The following ZNF804A variants were observed in gnomAD, a reference collection of about 807,000 sequenced individuals.
ZNF804A encodes zinc finger protein 804A.
In ZNF804A, 2 loss-of-function variants were observed where a neutral mutation model predicts 16.5. The ratio of observed to expected loss-of-function variants is 0.12; its 90% CI spans 0.05 to 0.38. The LOEUF (loss-of-function observed/expected upper bound fraction) is 0.38. Ranked by LOEUF, ZNF804A falls within the 10% of genes least tolerant of loss-of-function variation. ZNF804A has a pLI of 0.99. For missense variants in ZNF804A, 1,473 were observed against 1,390.7 expected (o/e 1.06, Z -0.94); for synonymous variants, 534 against 489.6 (o/e 1.09, Z -1.20).
At chr2:184,830,110 CCACACACACA>C (rs151005970) in intron 1 of ZNF804A, among the ~76,000 whole-genome samples, 49 of 141,662 alleles carry the variant, frequency 3.5e-4, no homozygotes, top group East Asian at 8.4e-4. Flanking sequence ...ACACACCCAC[CCACACACACA>C]CACACACACA....
rs567152400 is a variant in ZNF804A at position 184,635,648 on chromosome 2, G to T, written c.111+36578G>T. 4.7e-4 allele frequency among the ~76,000 whole-genome samples: 72 copies of T among 152,170 alleles called. 2 individuals carry two copies. The South Asian group carries it at 0.013, about 27-fold the overall frequency. ...ATATTAGTTTTTGAAATATAACTCA[G>T]TTTAATACTTTATATATCCTGTTCT... On this transcript the variant is annotated intron_variant, in intron 1 of 3. Coordinates refer to ENST00000302277, the MANE Select transcript of ZNF804A (RefSeq NM_194250.2).
rs779929990 is a variant in ZNF804A, at chr2:184,695,465, TAAA to T, written c.111+96420_111+96422del. Among the ~76,000 whole-genome samples the T allele has an allele frequency of 1.2e-3, 61 of 51,818 alleles. No individual in the cohort carries two copies. The East Asian group carries it at 0.033, about 28-fold the overall frequency. 34.0% of individuals were successfully genotyped at this position (51,818 alleles called of 152,430 possible). A position where few individuals can be genotyped will look rare whatever the true frequency, so the allele number is the denominator to read the frequency against. On this transcript the variant is annotated intron_variant, in intron 1 of 3. Coordinates refer to ENST00000302277, the MANE Select transcript of ZNF804A (RefSeq NM_194250.2). Reference sequence around the variant, plus strand: ...GGGCGACAGAGCGAGACTCCGTCATTAAAAAAAAAAAAAAAAAAAAAAAAAAAG... The same window carrying T: ...GGGCGACAGAGCGAGACTCCGTCATTAAAAAAAAAAAAAAAAAAAAAAAAG...
chr2:184,616,274 G>C (rs1179976616), intron 1 of ZNF804A, among the ~76,000 whole-genome samples: 1 of 152,054 alleles, frequency 6.6e-6, no homozygotes, highest in Non-Finnish European at 1.5e-5. Context: ...ACCTGAGTCA[G>C]TTATTTAACC....
intron 1 of ZNF804A, among the ~76,000 whole-genome samples, chr2:184,680,342 A>G (rs1225974372): frequency 1.3e-5 from 2 of 152,026 alleles, no homozygotes; most frequent in African/African-American, 2.4e-5. Context: ...CTCTGCTGAG[A>G]ACTGAACAGA....
chr2:184,866,702 G>A (rs1488578820), intron 2 of ZNF804A, among the ~76,000 whole-genome samples, 190 bp downstream of exon 2: 1 of 146,190 alleles, frequency 6.8e-6, no homozygotes, highest in African/African-American at 2.5e-5. Flanking sequence ...TAAAAAAAAA[G>A]GCACCAATAG....
chr2:184,821,243 A>T (rs1265573496), intron 1 of ZNF804A, among the ~76,000 whole-genome samples: 1 of 151,878 alleles, frequency 6.6e-6, no homozygotes, highest in Admixed American at 6.6e-5. Context: ...AAAATAGATA[A>T]CTCAGAAATA....
intron 1 of ZNF804A, among the ~76,000 whole-genome samples, chr2:184,610,015 G>T (rs1347887656): frequency 6.6e-6 from 1 of 152,182 alleles, no homozygotes; most frequent in East Asian, 1.9e-4. Context: ...GGTCATAAGG[G>T]CTCTGCCCTC....
chr2:184,922,555 T>G (rs1157810338), intron 2 of ZNF804A, among the ~76,000 whole-genome samples: 1 of 152,100 alleles, frequency 6.6e-6, no homozygotes, highest in Non-Finnish European at 1.5e-5. Context: ...GAGTTGTCTC[T>G]TCAGTTTGTT....
intron 1 of ZNF804A, among the ~76,000 whole-genome samples, chr2:184,723,243 A>G (rs1693350269): frequency 1.3e-5 from 2 of 151,872 alleles, no homozygotes; most frequent in Non-Finnish European, 3.0e-5. Context: ...AAAGGTTTAT[A>G]TGATAGAAAT....
intron 1 of ZNF804A, among the ~76,000 whole-genome samples, chr2:184,737,297 G>T (rs1336540605): frequency 6.6e-6 from 1 of 151,738 alleles, no homozygotes; most frequent in Non-Finnish European, 1.5e-5. Context: ...TCCTGACCTC[G>T]TGATCCACCT....
chr2:184,616,453 T>C (rs1691320865), intron 1 of ZNF804A, among the ~76,000 whole-genome samples: 1 of 152,176 alleles, frequency 6.6e-6, no homozygotes, highest in Non-Finnish European at 1.5e-5. Context: ...GATTAAATAA[T>C]ATAAGGGAAG....
At chr2:184,696,899 A>C (rs1360765025) in intron 1 of ZNF804A, among the ~76,000 whole-genome samples, 2 of 152,058 alleles carry the variant, frequency 1.3e-5, no homozygotes, top group Non-Finnish European at 2.9e-5. Context: ...AAGTAATTTA[A>C]AAATGTAGAA....
intron 1 of ZNF804A, among the ~76,000 whole-genome samples, chr2:184,623,566 G>A (rs1221467212): frequency 6.6e-6 from 1 of 152,050 alleles, no homozygotes; most frequent in Non-Finnish European, 1.5e-5. Flanking sequence ...TACTGCTTAA[G>A]ATCAAATTAA....
chr2:184,835,537 G>C (rs968800570), intron 1 of ZNF804A, among the ~76,000 whole-genome samples: 1 of 151,952 alleles, frequency 6.6e-6, no homozygotes, highest in Non-Finnish European at 1.5e-5. Flanking sequence ...TCAGCTAATT[G>C]TTAACCTGGT....
intron 1 of ZNF804A, among the ~76,000 whole-genome samples, chr2:184,728,484 A>G (rs1693458821): frequency 1.3e-5 from 2 of 151,920 alleles, no homozygotes; most frequent in African/African-American, 4.8e-5. Flanking sequence ...GCAAATATCC[A>G]TGTTGTTTCC....
chr2:184,919,513 T>C (rs1199937061), intron 2 of ZNF804A, among the ~76,000 whole-genome samples: 2 of 152,198 alleles, frequency 1.3e-5, no homozygotes, highest in East Asian at 3.9e-4. Context: ...TACCTGATTA[T>C]TAAAATTCTT....
chr2:184,935,080 C>T (rs10192705), intron 3 of ZNF804A, among the ~76,000 whole-genome samples: 1,894 of 152,178 alleles, frequency 0.012, 39 homozygotes, highest in African/African-American at 0.044. Context: ...CAGTATAGTT[C>T]TTTTCATCAG....
intron 1 of ZNF804A, among the ~76,000 whole-genome samples, chr2:184,835,660 G>T (rs1424365707): frequency 1.5e-5 from 2 of 130,114 alleles, no homozygotes; most frequent in Non-Finnish European, 1.6e-5. Flanking sequence ...GCTCAGGAAG[G>T]CATGAAAAAA....
At chr2:184,845,333 T>C (rs944194631) in intron 1 of ZNF804A, among the ~76,000 whole-genome samples, 11 of 152,280 alleles carry the variant, frequency 7.2e-5, no homozygotes, top group African/African-American at 2.6e-4. Flanking sequence ...CAGTCTTTGA[T>C]AAAGATTAAA....
Sources: gnomAD v4.1 joint callset for allele counts (sites outside exome capture counted in the v4.1 genomes callset) on GRCh38, gnomAD v4.1.1 for gene constraint, MANE v1.5 for transcripts, NCBI Gene and HGNC (gene_info 2026-07-23, HGNC 2026-07-21) for gene names.